Variants in ZPBP observed in about 807,000 individuals in gnomAD.
ZPBP encodes the protein zona pellucida-binding protein 1.
A neutral mutation model predicts 44.8 loss-of-function variants in ZPBP; 26 were observed. That is an observed-to-expected ratio of 0.58 (90% CI 0.43 to 0.81). The LOEUF (loss-of-function observed/expected upper bound fraction) is 0.81, where lower values mean the gene tolerates loss of function less well. Ranked by LOEUF, ZPBP falls within the 30% of genes least tolerant of loss-of-function variation. The probability of loss-of-function intolerance (pLI) is 0.00; values close to 1 mark genes in which losing one functional copy is unlikely to be tolerated. For synonymous variants in ZPBP, 174 were observed against 153.2 expected (o/e 1.14, Z -1.00); for missense variants, 409 against 434.0 (o/e 0.94, Z 0.51).
At chr7:50,092,240 C>T (rs561597813) in intron 1 of ZPBP, among the ~76,000 whole-genome samples, 5 of 152,292 alleles carry the variant, frequency 3.3e-5, no homozygotes, top group South Asian at 2.1e-4. Context: ...TGATGGCTAT[C>T]GGCTATTCAT....
chr7:49,937,160 TG>T (rs1794646861), downstream of ZPBP, among the ~76,000 whole-genome samples: 1 of 152,078 alleles, frequency 6.6e-6, no homozygotes, highest in Non-Finnish European at 1.5e-5. Context: ...AGAAACAAAC[TG>T]AAATTAAAGT....
At chr7:50,000,548 A>T (rs755149157) in intron 6 of ZPBP, among the ~76,000 whole-genome samples, 8 of 152,176 alleles carry the variant, frequency 5.3e-5, no homozygotes, top group Non-Finnish European at 8.8e-5. Flanking sequence ...CCTCCAATGC[A>T]GGTCTCCCTA....
At chr7:49,918,734 A>G (rs1793854225) in intron 1 of ZPBP, 1 of 152,254 alleles carries the variant, frequency 6.6e-6, no homozygotes, top group African/African-American at 2.4e-5. Flanking sequence ...CAACTCTGCT[A>G]TATTGATGAA....
intron 1 of ZPBP, among the ~76,000 whole-genome samples, chr7:49,906,550 ATGGTCT>A (rs527469446): frequency 4.9e-4 from 74 of 152,252 alleles, no homozygotes; most frequent in African/African-American, 1.7e-3. Context: ...GTTAGCCAGG[ATGGTCT>A]TGATCTCCTG....
intron 1 of ZPBP, among the ~76,000 whole-genome samples, chr7:49,906,263 AAAT>A (rs1274194117): frequency 2.0e-5 from 3 of 152,196 alleles, no homozygotes; most frequent in African/African-American, 7.2e-5. Context: ...TAACTAGTTA[AAAT>A]AATAATAAGG....
At chr7:49,912,446 A>G (rs1400940610) in intron 1 of ZPBP, 1 of 322,546 alleles carries the variant, frequency 3.1e-6, no homozygotes, top group Non-Finnish European at 5.8e-6. Flanking sequence ...AAAGTACACT[A>G]TTATATATCA....
intron 6 of ZPBP, among the ~76,000 whole-genome samples, chr7:50,005,127 T>C (rs1798248493): frequency 6.6e-6 from 1 of 151,788 alleles, no homozygotes; most frequent in Non-Finnish European, 1.5e-5. Flanking sequence ...GGATGATATA[T>C]TTCAAGTGCT....
At chr7:50,084,580 C>G (rs1802537049) in intron 2 of ZPBP, among the ~76,000 whole-genome samples, 1 of 151,838 alleles carries the variant, frequency 6.6e-6, no homozygotes, top group South Asian at 2.1e-4. Context: ...CCTTACATGA[C>G]AGAAGAAATG....
Position 49,987,876 on chromosome 7 carries a change from C to T in ZPBP, c.784-4357G>A, listed in dbSNP as rs140560679. ...AAAAGCTGTGGGACCTTTTAGTTCA[C>T]GTGACATTAATTTTTGAAAAATAAA... On this transcript the variant is annotated intron_variant, in intron 6 of 7. Coordinates refer to ENST00000046087, the MANE Select transcript of ZPBP (RefSeq NM_007009.3). Among the ~76,000 whole-genome samples, 962 of 151,862 alleles carry T rather than the reference C, an allele frequency of 6.3e-3. 4 individuals are homozygous for T. The highest frequency in any genetic ancestry group is 0.021 in the African/African-American group (880 of 41,396).
At chr7:49,888,089 C>T (rs964171218) in intron 2 of ZPBP, among the ~76,000 whole-genome samples, 2 of 152,212 alleles carry the variant, frequency 1.3e-5, no homozygotes, top group African/African-American at 4.8e-5. Context: ...CTCAGAGACT[C>T]TTCTCAGCCT....
intron 4 of ZPBP, among the ~76,000 whole-genome samples, chr7:50,045,949 A>ATG (rs1800335006): frequency 6.6e-6 from 1 of 152,234 alleles, no homozygotes; most frequent in Admixed American, 6.5e-5. Context: ...CAAAACAGAT[A>ATG]TGTAGACCAA....
chr7:49,957,961 G>A (rs1031632275), intron 7 of ZPBP, among the ~76,000 whole-genome samples: 2 of 152,232 alleles, frequency 1.3e-5, no homozygotes, highest in Non-Finnish European at 2.9e-5. Flanking sequence ...CCACCCCAGT[G>A]TGCCCAGAAG....
chr7:49,885,003 T>C (rs780973142), intron 2 of ZPBP, among the ~76,000 whole-genome samples: 1 of 152,082 alleles, frequency 6.6e-6, no homozygotes, highest in Non-Finnish European at 1.5e-5. Context: ...GGAAATAGGA[T>C]ATAAGTGTTG....
chr7:50,050,800 A>C (rs967088260), intron 4 of ZPBP, among the ~76,000 whole-genome samples: 1 of 149,992 alleles, frequency 6.7e-6, no homozygotes, highest in African/African-American at 2.4e-5. Flanking sequence ...AAAAAAAAAA[A>C]AAAAAAAAAA....
intron 6 of ZPBP, among the ~76,000 whole-genome samples, chr7:49,999,382 C>T (rs1003459742): frequency 6.6e-6 from 1 of 151,870 alleles, no homozygotes; most frequent in Non-Finnish European, 1.5e-5. Flanking sequence ...TTTTATGTGT[C>T]AAGCTGACTG....
At chr7:49,868,494 T>C (rs148012391) in intron 2 of ZPBP, among the ~76,000 whole-genome samples, 2,035 of 152,298 alleles carry the variant, frequency 0.013, 37 homozygotes, top group African/African-American at 0.046. Context: ...CTAAATCACA[T>C]AGAATTAGAA....
chr7:49,938,163 A>C lies in ZPBP; in HGVS notation c.962-541T>G, dbSNP rs533162440. 5.3e-5 allele frequency among the ~76,000 whole-genome samples: 8 copies of C among 152,332 alleles called. No homozygotes were observed. The South Asian group carries it at 1.7e-3, about 32-fold the overall frequency. On this transcript the variant is annotated intron_variant, in intron 7 of 7. Coordinates refer to ENST00000046087, the MANE Select transcript of ZPBP (RefSeq NM_007009.3). ...TAAGTTATATAGCAGAAGCCACAAG[A>C]GGTCAACACTACAGGAAGAACCAAA...
chr7:49,854,699 CAGA>C (rs1185175131), intron 2 of ZPBP, among the ~76,000 whole-genome samples: 5 of 152,188 alleles, frequency 3.3e-5, no homozygotes, highest in Non-Finnish European at 7.3e-5. Flanking sequence ...TTTTGCTGTG[CAGA>C]AGCTCTTTAG....
chr7:50,020,136 C>T (rs1259839461), intron 5 of ZPBP, among the ~76,000 whole-genome samples: 2 of 151,774 alleles, frequency 1.3e-5, no homozygotes, highest in Non-Finnish European at 2.9e-5. Flanking sequence ...TATTAATAAC[C>T]TAAGGTACAG....
Sources: allele counts gnomAD v4.1 joint callset (sites outside exome capture counted in the v4.1 genomes callset), GRCh38; gene constraint gnomAD v4.1.1; transcripts MANE v1.5; gene names NCBI Gene and HGNC (gene_info 2026-07-23, HGNC 2026-07-21).